Variants in HACD3 observed in about 807,000 individuals in gnomAD.
HACD3 encodes the protein 3-hydroxyacyl-CoA dehydratase 3, also known as very-long-chain (3R)-3-hydroxyacyl-CoA dehydratase 3.
Under a neutral mutation model 55.2 loss-of-function variants are expected in HACD3, and 30 were observed. The ratio of observed to expected loss-of-function variants is 0.54; its 90% CI spans 0.41 to 0.74. HACD3 has a LOEUF of 0.74. Among genes scored for constraint, HACD3 ranks in the 30% least tolerant of loss-of-function variants. The pLI is 0.00. For missense variants in HACD3, 363 were observed against 440.1 expected (o/e 0.82, Z 1.57); for synonymous variants, 141 against 151.7 (o/e 0.93, Z 0.52).
In HACD3 at chr15:65,576,519, C is replaced by CA; in HGVS notation, c.*141dup. 1.1e-6 allele frequency: 1 copy of CA among 884,588 alleles called. No homozygotes were observed. Among genetic ancestry groups the CA allele is most frequent in the Admixed American group, 2.9e-5 (1 of 34,300 alleles). The allele number at this position is 884,588 out of a possible 1,614,324, so 54.8% of individuals were successfully genotyped here. On this transcript the variant is annotated 3_prime_UTR_variant, in exon 11 of 11. Transcript: ENST00000261875. Reference sequence around the variant, plus strand: ...AGGCTATCTTCCTTTTCCCCAGTAACATTCCTGAATTTACTGTTATCTTAT... The same window carrying CA: ...AGGCTATCTTCCTTTTCCCCAGTAACAATTCCTGAATTTACTGTTATCTTAT...
chr15:65,560,792 AC>A (rs1237940567), intron 5 of HACD3, among the ~76,000 whole-genome samples: 3 of 126,664 alleles, frequency 2.4e-5, no homozygotes, highest in Non-Finnish European at 4.8e-5. Context: ...ACAGAGTGAG[AC>A]CCTATCTCAA....
chr15:65,575,871 T>C (rs780534064), intron 10 of HACD3, among the ~76,000 whole-genome samples: 1 of 152,216 alleles, frequency 6.6e-6, no homozygotes, highest in Non-Finnish European at 1.5e-5. Context: ...GCTGGGCAGA[T>C]CATTTGAGGT....
rs1388198786 is a variant in HACD3, at chr15:65,577,564, T to C, written c.*1185T>C. The C allele has an allele frequency of 1.3e-5, 2 of 152,114 alleles. No homozygotes were observed. Among genetic ancestry groups the C allele is most frequent in the African/African-American group, 4.8e-5 (2 of 41,412 alleles). The allele number at this position is 152,114 out of a possible 1,614,324, so 9.4% of individuals were successfully genotyped here. On this transcript the variant is annotated 3_prime_UTR_variant, in exon 11 of 11. Transcript: ENST00000261875. ...TGTACAGCCTTTGACAAACTAGAAA[T>C]ATTAGAGTAGGCCAAACACACCTCC...
At chr15:65,531,564 TTTTTC>T (rs1567328369) in intron 1 of HACD3, 1 of 151,938 alleles carries the variant, frequency 6.6e-6, no homozygotes, top group African/African-American at 2.4e-5. Flanking sequence ...TCTTTCTTTT[TTTTTC>T]TTTTCTTTTT....
chr15:65,551,844 A>C, intron 2 of HACD3, 126 bp downstream of exon 2: 1 of 1,010,102 alleles, frequency 9.9e-7, no homozygotes, highest in Non-Finnish European at 1.5e-6. Flanking sequence ...TCTGATCCTC[A>C]TGAGGTAAGC....
In HACD3 at chr15:65,564,314, C is replaced by T. The variant is rs778632006; in HGVS notation, c.632C>T (p.Thr211Met). The change falls in exon 7 of 11, where the codon ACG (threonine) becomes ATG (methionine). Residue 211 changes from threonine to methionine, a missense_variant. Transcript: ENST00000261875. ...ETINAAIGVT[T>M]SPVLPSLIQL... ...ATCAATGCAGCAATTGGAGTCACTA[C>T]GTCACCGGTGCTGCCTTCTCTGATC... 57 of 1,613,684 alleles carry T rather than the reference C, an allele frequency of 3.5e-5. No individual in the cohort carries two copies. Among genetic ancestry groups the T allele is most frequent in the Admixed American group, 2.0e-4 (12 of 59,964 alleles).
intron 1 of HACD3, among the ~76,000 whole-genome samples, chr15:65,548,504 TTC>T (rs1052708321): frequency 2.1e-5 from 3 of 142,148 alleles, no homozygotes; most frequent in Non-Finnish European, 4.5e-5. Flanking sequence ...CAGAGGGAGA[TTC>T]TGTCTCAAAA....
intron 3 of HACD3, among the ~76,000 whole-genome samples, chr15:65,555,648 T>C (rs906834939): frequency 6.6e-6 from 1 of 152,296 alleles, no homozygotes; most frequent in African/African-American, 2.4e-5. Context: ...GAACCTGTCA[T>C]GGAGCTTCCT....
intron 7 of HACD3, among the ~76,000 whole-genome samples, chr15:65,569,247 C>CAA (rs71447850): frequency 0.44 from 54,252 of 124,678 alleles, 11,187 homozygotes; most frequent in East Asian, 0.76. Context: ...GACTCTGTCT[C>CAA]AAAAAAAAAA....
Position 65,530,691 on chromosome 15 carries a change from T to C in HACD3, c.60T>C (p.Tyr20=). The C allele has an allele frequency of 6.3e-7, 1 of 1,575,764 alleles. No homozygotes were observed. Among genetic ancestry groups the C allele is most frequent in the South Asian group, 1.2e-5 (1 of 85,424 alleles). The change falls in exon 1 of 11, where the codon TAT becomes TAC. Residue 20 remains tyrosine, a synonymous_variant. Transcript: ENST00000261875. ...GGGCTCAGCGACACCGCGAGCTATA[T>C]CTGCGCGTGGAGCTGAGTGACGTAC... is the stretch of plus-strand genomic sequence containing the variant. ...VYWAQRHREL[Y]LRVELSDVQN... is the part of the protein sequence containing the mutation.
At chr15:65,568,944 T>C (rs1255371744) in intron 7 of HACD3, among the ~76,000 whole-genome samples, 1 of 152,076 alleles carries the variant, frequency 6.6e-6, no homozygotes, top group Admixed American at 6.5e-5. Context: ...TATAGCCACA[T>C]GCATCAACAT....
At chr15:65,574,888 A>G (rs2072385914) in intron 10 of HACD3, among the ~76,000 whole-genome samples, 1 of 152,242 alleles carries the variant, frequency 6.6e-6, no homozygotes, top group Admixed American at 6.5e-5. Context: ...ACTAGGCCCC[A>G]TGAAATGGGC....
chr15:65,534,029 G>C (rs1160478020), intron 1 of HACD3, among the ~76,000 whole-genome samples: 5 of 148,592 alleles, frequency 3.4e-5, no homozygotes, highest in African/African-American at 1.2e-4. Context: ...CCAGCCTGGG[G>C]GACAGAGCGA....
intron 9 of HACD3, 140 bp from the exon 10 acceptor site, chr15:65,572,095 A>C: frequency 9.3e-7 from 1 of 1,075,548 alleles, no homozygotes. Flanking sequence ...AAGGAGAGGC[A>C]TGAGCTTTCT....
In HACD3 at chr15:65,576,407, A is replaced by G. The variant is rs986360377; in HGVS notation, c.*28A>G. The G allele has an allele frequency of 1.9e-6, 3 of 1,565,116 alleles. No homozygotes were observed. Among genetic ancestry groups the G allele is most frequent in the Non-Finnish European group, 2.6e-6 (3 of 1,155,926 alleles). On this transcript the variant is annotated 3_prime_UTR_variant, in exon 11 of 11. Transcript: ENST00000261875. ...AGAAAGATTTAGATGGCTTCTTGCC[A>G]GTTTGAGCCTAATCTGATTCTTACA...
rs767243661 is a variant in HACD3 at position 65,571,516 on chromosome 15, C to T, written c.774-32C>T. ...AGGTTGCATTCGGAACCTGAAGTGG[C>T]TTTTCACATTGGAATCATTTATTTT... is the stretch of plus-strand genomic sequence containing the variant. On this transcript the variant is annotated intron_variant, in intron 8 of 10. Coordinates refer to ENST00000261875, the MANE Select transcript of HACD3 (RefSeq NM_016395.4). 19 of 1,537,518 alleles carry T rather than the reference C, an allele frequency of 1.2e-5. No homozygotes were observed. The East Asian group carries it at 3.4e-4, about 27-fold the overall frequency.
At position 65,564,003 on chromosome 15, in the gene HACD3, G is replaced by A. The variant is rs545866578; in HGVS notation, c.533-212G>A. On this transcript the variant is annotated intron_variant, in intron 6 of 10. Coordinates refer to ENST00000261875, the MANE Select transcript of HACD3 (RefSeq NM_016395.4). ...AAAGAGAAAGGCATATAAGGTGTACGTGTTAACTTTCTGGTAACTGGTAGA... is the reference window on the plus strand; with the variant it reads ...AAAGAGAAAGGCATATAAGGTGTACATGTTAACTTTCTGGTAACTGGTAGA... Among the ~76,000 whole-genome samples the A allele has an allele frequency of 2.6e-5, 4 of 152,024 alleles. No homozygotes were observed. The South Asian group carries it at 8.3e-4, about 32-fold the overall frequency.
In HACD3 at chr15:65,564,456, A is replaced by AT; in HGVS notation, c.660+114_660+115insT. The AT allele has an allele frequency of 6.1e-6, 8 of 1,313,674 alleles. No individual in the cohort carries two copies. In the South Asian group the frequency reaches 9.4e-5, roughly 15 times the overall value. The allele number at this position is 1,313,674 out of a possible 1,614,324, so 81.4% of individuals were successfully genotyped here. On this transcript the variant is annotated intron_variant, in intron 7 of 10. Coordinates refer to ENST00000261875, the MANE Select transcript of HACD3 (RefSeq NM_016395.4). Reference sequence around the variant, plus strand: ...CATAAAGACATACCTGAGACTGGGCAGTTTACAAAAGAAAGAGGTTTAATT... The same window carrying AT: ...CATAAAGACATACCTGAGACTGGGCATGTTTACAAAAGAAAGAGGTTTAATT...
intron 7 of HACD3, chr15:65,566,967 T>C (rs553424240): frequency 6.6e-6 from 1 of 152,162 alleles, no homozygotes; most frequent in Non-Finnish European, 1.5e-5. Flanking sequence ...TCCTCCCACC[T>C]TGTGTAGATG....
Sources: gnomAD v4.1 joint callset for allele counts (sites outside exome capture counted in the v4.1 genomes callset) on GRCh38, gnomAD v4.1.1 for gene constraint, MANE v1.5 for transcripts, NCBI Gene and HGNC (gene_info 2026-07-23, HGNC 2026-07-21) for gene names.